Variants in KDM4A observed in about 807,000 individuals in gnomAD.
KDM4A encodes lysine demethylase 4A.
KDM4A carries 23 observed loss-of-function variants against 127.1 expected under a neutral mutation model. That is an observed-to-expected ratio of 0.18 (90% CI 0.13 to 0.26). The LOEUF is 0.26. Ranked by LOEUF, KDM4A falls within the 10% of genes least tolerant of loss-of-function variation. KDM4A has a pLI of 1.00. For synonymous variants in KDM4A, 443 were observed against 466.5 expected, an observed-to-expected ratio of 0.95 and a Z score of 0.65; for missense variants, 890 against 1,329.1, an observed-to-expected ratio of 0.67 and a Z score of 5.14.
intron 6 of KDM4A, 91 bp from the exon 7 acceptor site, chr1:43,666,361 A>C (rs1660501978): frequency 2.0e-6 from 2 of 1,003,844 alleles, no homozygotes; most frequent in African/African-American, 3.2e-5. Flanking sequence ...CCTCTTTATC[A>C]TTCCGATGAG....
chr1:43,681,177 G>A (rs1660849511), intron 11 of KDM4A, among the ~76,000 whole-genome samples: 1 of 152,134 alleles, frequency 6.6e-6, no homozygotes, highest in African/African-American at 2.4e-5. Context: ...GTTGCTGAGT[G>A]AGTCCCTTGG....
chr1:43,704,683 G>A lies in KDM4A; in HGVS notation c.*313G>A, dbSNP rs1198587293. On this transcript the variant is annotated 3_prime_UTR_variant, in exon 22 of 22. Transcript: ENST00000372396. The stretch of plus-strand genomic sequence containing the variant: ...TGGCTGGACTGGCTGCCTTGTTCCT[G>A]GCCTAGGACTTAGCTTCATAACTAT... 3.4e-5 allele frequency: 12 copies of A among 354,106 alleles called. No homozygotes were observed. Among genetic ancestry groups the A allele is most frequent in the Non-Finnish European group, 6.2e-5 (12 of 192,480 alleles). 21.9% of individuals were successfully genotyped at this position (354,106 alleles called of 1,614,324 possible).
chr1:43,680,629 T>C (rs1660836070), intron 11 of KDM4A, among the ~76,000 whole-genome samples: 1 of 152,218 alleles, frequency 6.6e-6, no homozygotes, highest in African/African-American at 2.4e-5. Flanking sequence ...GGAGGACCCA[T>C]TTCCTTGCCC....
At chr1:43,670,162 A>G (rs1384594635) in intron 10 of KDM4A, among the ~76,000 whole-genome samples, 2 of 152,180 alleles carry the variant, frequency 1.3e-5, no homozygotes, top group African/African-American at 4.8e-5. Context: ...TGGTGTGATC[A>G]GTGCTGTTTA....
intron 4 of KDM4A, among the ~76,000 whole-genome samples, chr1:43,661,483 G>A (rs1279425363): frequency 4.6e-5 from 7 of 151,434 alleles, no homozygotes; most frequent in African/African-American, 1.7e-4. Flanking sequence ...GCGGGCGCCT[G>A]TAGTCCCAGC....
intron 7 of KDM4A, 139 bp from the exon 8 acceptor site, chr1:43,666,815 T>TTTTA (rs1485243661): frequency 6.1e-6 from 5 of 822,176 alleles, no homozygotes; most frequent in Non-Finnish European, 9.8e-6. Flanking sequence ...GGGCTTTGCA[T>TTTTA]TTTATAGAAG....
At chr1:43,657,148 A>C (rs111946237) in intron 3 of KDM4A, among the ~76,000 whole-genome samples, 1 of 151,954 alleles carries the variant, frequency 6.6e-6, no homozygotes, top group Non-Finnish European at 1.5e-5. Flanking sequence ...TCAGCCTCCC[A>C]AAGTGCTGGG....
chr1:43,666,421 T>C (rs376630688), intron 6 of KDM4A, 31 bp from the exon 7 acceptor site: 117 of 1,567,762 alleles, frequency 7.5e-5, no homozygotes, highest in Non-Finnish European at 9.8e-5. Flanking sequence ...TGTGGAGCAC[T>C]GTGTTAACCT....
intron 4 of KDM4A, 46 bp downstream of exon 4, chr1:43,660,458 T>C: frequency 6.5e-7 from 1 of 1,549,036 alleles, no homozygotes; most frequent in South Asian, 1.2e-5. Context: ...TGTAATTTTG[T>C]AATACCTTTT....
At chr1:43,654,011 A>G (rs1660176940) in intron 2 of KDM4A, among the ~76,000 whole-genome samples, 1 of 152,174 alleles carries the variant, frequency 6.6e-6, no homozygotes. Context: ...TACATTTTCA[A>G]TATGAAAAGA....
At chr1:43,660,478 GGCAC>G in intron 4 of KDM4A, 66 bp downstream of exon 4, 1 of 1,533,084 alleles carries the variant, frequency 6.5e-7, no homozygotes, top group Non-Finnish European at 8.8e-7. Context: ...TTTTCGGCCC[GGCAC>G]GTAGTAGGCA....
rs550525212 is a variant in KDM4A at position 43,691,422 on chromosome 1, T to C, written c.2243-74T>C. On this transcript the variant is annotated intron_variant, in intron 14 of 21. Transcript: ENST00000372396. ...GGTTGTAGCTTTGGGAGGTGGTATATGGAAAGGAATTGCAAATCTACCTTT... is the reference window on the plus strand; with the variant it reads ...GGTTGTAGCTTTGGGAGGTGGTATACGGAAAGGAATTGCAAATCTACCTTT... 1,179 of 1,223,634 alleles carry C rather than the reference T, an allele frequency of 9.6e-4. 2 individuals carry two copies. The highest frequency in any genetic ancestry group is 1.3e-3 in the Non-Finnish European group (1,109 of 825,146). 75.8% of individuals were successfully genotyped at this position (1,223,634 alleles called of 1,614,324 possible). A position where few individuals can be genotyped will look rare whatever the true frequency, so the allele number is the denominator to read the frequency against.
chr1:43,664,021 T>A (rs1660445038), intron 5 of KDM4A, among the ~76,000 whole-genome samples: 1 of 152,012 alleles, frequency 6.6e-6, no homozygotes, highest in African/African-American at 2.4e-5. Flanking sequence ...AGGAGACTGG[T>A]CAGGAGGTAG....
intron 19 of KDM4A, chr1:43,703,317 G>A (rs1283413712): frequency 2.7e-5 from 7 of 256,152 alleles, no homozygotes; most frequent in Non-Finnish European, 5.3e-5. Flanking sequence ...ACCCGCAGGG[G>A]AACAGTTGAG....
chr1:43,661,384 G>A (rs905931013), intron 4 of KDM4A, among the ~76,000 whole-genome samples: 1 of 151,708 alleles, frequency 6.6e-6, no homozygotes, highest in Non-Finnish European at 1.5e-5. Flanking sequence ...TGAGGTGGAT[G>A]GATCAGGAGG....
chr1:43,698,760 G>A (rs916833392), intron 19 of KDM4A, among the ~76,000 whole-genome samples: 6 of 152,180 alleles, frequency 3.9e-5, no homozygotes, highest in South Asian at 2.1e-4. Flanking sequence ...GACATTAGTA[G>A]TACTCATAGC....
rs1390342987 is a variant in KDM4A at position 43,655,518 on chromosome 1, C to T, written c.139-73C>T. The stretch of plus-strand genomic sequence containing the variant: ...AATTGACTGTTAGGTTGGCTGGTAA[C>T]TACATGCTTCCTGGACTCTGACTGG... On this transcript the variant is annotated intron_variant, in intron 2 of 21. Coordinates refer to ENST00000372396, the MANE Select transcript of KDM4A (RefSeq NM_014663.3). 3.7e-6 allele frequency: 5 copies of T among 1,355,690 alleles called. No homozygotes were observed. The East Asian group carries it at 1.2e-4, about 32-fold the overall frequency. 84.0% of individuals were successfully genotyped at this position (1,355,690 alleles called of 1,614,324 possible).
chr1:43,671,890 C>T lies in KDM4A; in HGVS notation c.1734+15C>T. ...AGCTGGCAGAGGTATGGGCTCCAGGCAGTGGTGTGGGGTGGGGAGCTGCCC... is the reference window on the plus strand; with the variant it reads ...AGCTGGCAGAGGTATGGGCTCCAGGTAGTGGTGTGGGGTGGGGAGCTGCCC... On this transcript the variant is annotated intron_variant, in intron 11 of 21. Transcript: ENST00000372396. The T allele has an allele frequency of 1.3e-6, 2 of 1,539,288 alleles. No homozygotes were observed. Among genetic ancestry groups the T allele is most frequent in the Non-Finnish European group, 1.8e-6 (2 of 1,142,086 alleles).
chr1:43,651,390 C>T (rs890705217), intron 1 of KDM4A, among the ~76,000 whole-genome samples: 3 of 152,184 alleles, frequency 2.0e-5, no homozygotes, highest in Non-Finnish European at 2.9e-5. Context: ...AGTATACCTG[C>T]CATGCAAAGT....
Sources: allele counts gnomAD v4.1 joint callset (sites outside exome capture counted in the v4.1 genomes callset), GRCh38; gene constraint gnomAD v4.1.1; transcripts MANE v1.5; gene names NCBI Gene and HGNC (gene_info 2026-07-23, HGNC 2026-07-21).